Variants in SYT1 observed in about 807,000 individuals in gnomAD.
SYT1 encodes synaptotagmin 1.
In SYT1, 8 loss-of-function variants were observed where a neutral mutation model predicts 44.8. That is an observed-to-expected ratio of 0.18 (90% confidence interval 0.10 to 0.32). The LOEUF is 0.32. Among genes scored for constraint, SYT1 ranks in the 10% least tolerant of loss-of-function variants. SYT1 has a pLI of 1.00. For synonymous variants in SYT1, 154 were observed against 188.8 expected (o/e 0.82, Z 1.51); for missense variants, 286 against 509.3 (o/e 0.56, Z 4.22).
rs185754217 is a variant in SYT1, at chr12:79,053,405, C to G, written c.-18+6043C>G. On this transcript the variant is annotated intron_variant, in intron 3 of 10. Transcript: ENST00000261205. ...ATAGCGTTAGGAGATATACCTAATG[C>G]TAAATGACGAGTTAATGGGTGCAGC... Among the ~76,000 whole-genome samples the G allele has an allele frequency of 2.0e-5, 3 of 151,928 alleles. No homozygotes were observed. The South Asian group carries it at 6.2e-4, about 32-fold the overall frequency.
chr12:79,010,663 T>G (rs1250441724), intron 2 of SYT1, among the ~76,000 whole-genome samples: 3 of 152,194 alleles, frequency 2.0e-5, no homozygotes, highest in Non-Finnish European at 4.4e-5. Flanking sequence ...ATCTTTTGAT[T>G]CTCACTGATT....
chr12:79,263,301 AC>A, intron 4 of SYT1, among the ~76,000 whole-genome samples: 1 of 148,270 alleles, frequency 6.7e-6, no homozygotes. Context: ...CCAGAGTTCT[AC>A]TATTTTCTTT....
intron 3 of SYT1, among the ~76,000 whole-genome samples, chr12:79,153,940 A>G (rs984017468): frequency 1.3e-5 from 2 of 152,148 alleles, no homozygotes; most frequent in Non-Finnish European, 2.9e-5. Context: ...ACAGTCAGAG[A>G]AATTGACATT....
At chr12:79,340,576 A>G (rs938179210) in intron 8 of SYT1, among the ~76,000 whole-genome samples, 4 of 152,178 alleles carry the variant, frequency 2.6e-5, no homozygotes, top group African/African-American at 4.8e-5. Flanking sequence ...GGCTGAGACA[A>G]TGGGGTTTTC....
At chr12:79,020,314 G>C (rs1334988187) in intron 2 of SYT1, among the ~76,000 whole-genome samples, 2 of 151,838 alleles carry the variant, frequency 1.3e-5, no homozygotes. Flanking sequence ...ACATTATGTT[G>C]CTGCAACAAG....
chr12:79,299,623 G>A, intron 8 of SYT1, 72 bp downstream of exon 8: 3 of 1,546,254 alleles, frequency 1.9e-6, no homozygotes, highest in Non-Finnish European at 2.6e-6. Context: ...ATAACTTATT[G>A]AGAAATACTC....
chr12:79,034,582 C>G (rs1873009830), intron 2 of SYT1, among the ~76,000 whole-genome samples: 1 of 151,676 alleles, frequency 6.6e-6, no homozygotes, highest in Non-Finnish European at 1.5e-5. Context: ...TAATTAACGC[C>G]TACTGAACAA....
chr12:79,259,859 C>T (rs137957678), intron 4 of SYT1, among the ~76,000 whole-genome samples: 2 of 152,298 alleles, frequency 1.3e-5, no homozygotes, highest in Non-Finnish European at 2.9e-5. Flanking sequence ...TATAAGTATC[C>T]ACAGCCAGAA....
chr12:79,142,868 G>C (rs144914605), intron 3 of SYT1, among the ~76,000 whole-genome samples: 85 of 152,290 alleles, frequency 5.6e-4, no homozygotes, highest in Non-Finnish European at 1.1e-3. Context: ...ATTTGTGTCT[G>C]CTGCAGAATG....
At position 79,380,095 on chromosome 12, in the gene SYT1, AT is replaced by A. The variant is rs1434394939; in HGVS notation, c.928+26478del. Among the ~76,000 whole-genome samples the A allele has an allele frequency of 2.6e-5, 4 of 152,300 alleles. No individual in the cohort carries two copies. The East Asian group carries it at 7.7e-4, about 29-fold the overall frequency. On this transcript the variant is annotated intron_variant, in intron 9 of 10. Coordinates refer to ENST00000261205, the MANE Select transcript of SYT1 (RefSeq NM_005639.3). ...GAATTGACGTATTTTACTGAAAAAG[AT>A]TCCATTTCTTTTGAAGATTAACCAG...
chr12:79,436,256 T>C (rs1870084783), intron 9 of SYT1, among the ~76,000 whole-genome samples: 1 of 152,192 alleles, frequency 6.6e-6, no homozygotes, highest in Non-Finnish European at 1.5e-5. Flanking sequence ...ATACCAGTAT[T>C]ATTATCTTTA....
At chr12:79,183,366 T>C (rs1194307164) in intron 3 of SYT1, among the ~76,000 whole-genome samples, 1 of 152,002 alleles carries the variant, frequency 6.6e-6, no homozygotes, top group Non-Finnish European at 1.5e-5. Context: ...TTGCCAGTGG[T>C]TCTCAACCAG....
chr12:79,259,545 C>A (rs1388759830), intron 4 of SYT1, among the ~76,000 whole-genome samples: 4 of 152,068 alleles, frequency 2.6e-5, no homozygotes, highest in Admixed American at 2.6e-4. Flanking sequence ...TCAGCCTGGG[C>A]AACATATGGA....
chr12:79,160,557 T>C (rs546289638), intron 3 of SYT1, among the ~76,000 whole-genome samples: 38 of 152,210 alleles, frequency 2.5e-4, no homozygotes, highest in African/African-American at 8.9e-4. Context: ...CTTTAGGTAT[T>C]GAGAGAAAAA....
chr12:79,049,598 C>T (rs1289119989), intron 3 of SYT1, among the ~76,000 whole-genome samples: 1 of 151,800 alleles, frequency 6.6e-6, no homozygotes, highest in Non-Finnish European at 1.5e-5. Context: ...ATATCTTAGC[C>T]ACTAAAGGCT....
At chr12:79,315,905 C>CA (rs1881061144) in intron 8 of SYT1, among the ~76,000 whole-genome samples, 1 of 152,204 alleles carries the variant, frequency 6.6e-6, no homozygotes, top group African/African-American at 2.4e-5. Flanking sequence ...GATGTAAAAA[C>CA]AAAGTTTTAA....
chr12:78,912,357 T>A (rs1295369131), intron 1 of SYT1, among the ~76,000 whole-genome samples: 1 of 151,804 alleles, frequency 6.6e-6, no homozygotes, highest in Non-Finnish European at 1.5e-5. Flanking sequence ...AAAGGCTATG[T>A]CAGAATGAAT....
chr12:79,156,436 T>C (rs112079145), intron 3 of SYT1, among the ~76,000 whole-genome samples: 21 of 136,496 alleles, frequency 1.5e-4, no homozygotes, highest in South Asian at 9.3e-4. Flanking sequence ...GTTGTGGTTG[T>C]TGCTGCTGTT....
At chr12:79,209,462 G>A (rs994709689) in intron 3 of SYT1, among the ~76,000 whole-genome samples, 1 of 152,198 alleles carries the variant, frequency 6.6e-6, no homozygotes, top group Admixed American at 6.5e-5. Flanking sequence ...CAGAAGGGGA[G>A]ATGCTTGCTG....
Sources: gnomAD v4.1 joint callset for allele counts (sites outside exome capture counted in the v4.1 genomes callset) on GRCh38, gnomAD v4.1.1 for gene constraint, MANE v1.5 for transcripts, NCBI Gene and HGNC (gene_info 2026-07-23, HGNC 2026-07-21) for gene names.